The following PFKFB1 variants were observed in gnomAD, a reference collection of about 807,000 sequenced individuals.
PFKFB1 encodes the protein 6-phosphofructo-2-kinase/fructose-2,6-bisphosphatase 1.
Under a neutral mutation model 46.4 loss-of-function variants are expected in PFKFB1, and 34 were observed. The observed-to-expected ratio is 0.73, with a 90% CI of 0.56 to 0.98. The LOEUF (loss-of-function observed/expected upper bound fraction) is 0.98. Ranked by LOEUF, PFKFB1 falls within the 50% of genes least tolerant of loss-of-function variation. The probability of loss-of-function intolerance (pLI) is 0.00; values close to 1 mark genes in which losing one functional copy is unlikely to be tolerated. For missense variants in PFKFB1, 393 were observed against 376.3 expected (o/e 1.04, Z -0.37); for synonymous variants, 119 against 133.8 (o/e 0.89, Z 0.76).
At chrX:54,951,096 T>C (rs752070678) in intron 8 of PFKFB1, among the ~76,000 whole-genome samples, 8 of 113,077 alleles carry the variant, frequency 7.1e-5, no homozygotes, top group Non-Finnish European at 1.3e-4. Context: ...TTCCTGCACT[T>C]CATTTCCCAC....
intron 10 of PFKFB1, 127 bp from the exon 11 acceptor site, chrX:54,937,851 A>G: frequency 1.8e-6 from 1 of 562,027 alleles, no homozygotes; most frequent in Non-Finnish European, 2.8e-6. Flanking sequence ...ACCCACCAGT[A>G]TGACCTTAGG....
At chrX:54,950,178 A>C (rs1349581654) in intron 8 of PFKFB1, among the ~76,000 whole-genome samples, 1 of 112,578 alleles carries the variant, frequency 8.9e-6, no homozygotes, top group African/African-American at 3.2e-5. Context: ...ACACATTTCT[A>C]TATGCAGCTA....
rs1401160015 is a variant in PFKFB1 at position 54,951,985 on chromosome X, G to T, written c.766C>A (p.Leu256Ile). Reference sequence around the variant, plus strand: ...AGTTCACTCTCGCCATGTCGGCAAAGGTAGATGGAGCGAGGTGTGACATGG... The same window carrying T: ...AGTTCACTCTCGCCATGTCGGCAAATGTAGATGGAGCGAGGTGTGACATGG... ...NIHVTPRSIY[L>I]CRHGESELNI... The change falls in exon 8 of 14, where the codon CTT (leucine) becomes ATT (isoleucine). Residue 256 changes from leucine (L) to isoleucine (I), a missense_variant. Leu to Ile is a conservative substitution (Grantham distance 5, BLOSUM62 2). Coordinates refer to ENST00000375006, the MANE Select transcript of PFKFB1 (RefSeq NM_002625.4). The T allele has an allele frequency of 8.3e-7, 1 of 1,211,105 alleles. No individual in the cohort carries two copies. The highest frequency in any genetic ancestry group is 1.1e-6 in the Non-Finnish European group (1 of 894,963).
intron 1 of PFKFB1, among the ~76,000 whole-genome samples, chrX:54,984,177 A>G (rs941997763): frequency 9.8e-5 from 11 of 112,243 alleles, no homozygotes; most frequent in Non-Finnish European, 2.1e-4. Context: ...CTTTTGACAT[A>G]GTACTAGAAG....
At chrX:54,962,710 A>G (rs1417668435) in intron 2 of PFKFB1, among the ~76,000 whole-genome samples, 2 of 111,691 alleles carry the variant, frequency 1.8e-5, no homozygotes, top group Non-Finnish European at 3.8e-5. Flanking sequence ...AGAAAAGGAG[A>G]CTATAGGGCT....
chrX:54,970,359 T>G (rs965965289), intron 1 of PFKFB1, among the ~76,000 whole-genome samples: 50 of 110,155 alleles, frequency 4.5e-4, no homozygotes, highest in African/African-American at 1.6e-3. Context: ...TATTATACTT[T>G]AAGTTTTAGG....
intron 10 of PFKFB1, among the ~76,000 whole-genome samples, chrX:54,943,568 G>A (rs1933715304): frequency 9.0e-6 from 1 of 110,754 alleles, no homozygotes; most frequent in Non-Finnish European, 1.9e-5. Flanking sequence ...TGGCTAACAC[G>A]GTGATACCCC....
At chrX:54,949,994 C>G (rs1205004515) in intron 8 of PFKFB1, among the ~76,000 whole-genome samples, 1 of 111,671 alleles carries the variant, frequency 9.0e-6, no homozygotes, top group Non-Finnish European at 1.9e-5. Context: ...CTGGGGTGTT[C>G]TTGTTCTCAA....
intron 1 of PFKFB1, among the ~76,000 whole-genome samples, chrX:54,980,933 A>C (rs1934969314): frequency 1.8e-5 from 2 of 111,783 alleles, no homozygotes; most frequent in Admixed American, 1.9e-4. Flanking sequence ...GAAAGACTAC[A>C]TGAATTTTTA....
In PFKFB1 at chrX:54,963,322, C is replaced by T. The variant is rs1174842375; in HGVS notation, c.158G>A (p.Arg53Gln). 6 of 1,206,927 alleles carry T rather than the reference C, an allele frequency of 5.0e-6. No individual in the cohort carries two copies. Among genetic ancestry groups the T allele is most frequent in the Non-Finnish European group, 5.6e-6 (5 of 892,701 alleles). Residue 53 changes from arginine (R) to glutamine (Q), a missense_variant, in exon 2 of 14, where the codon CGA (arginine) becomes CAA (glutamine). Arg to Gln is a conservative substitution (Grantham distance 43). Transcript: ENST00000375006. ...CTTTGTGGAGATATAGGTCTTGCCT[C>T]GAGCTGGTAAACCCACCATGATCAC... is the stretch of plus-strand genomic sequence containing the variant. ...TMVIMVGLPA[R>Q]GKTYISTKLT...
intron 10 of PFKFB1, among the ~76,000 whole-genome samples, chrX:54,938,613 G>C (rs1425961541): frequency 9.0e-6 from 1 of 111,230 alleles, no homozygotes; most frequent in African/African-American, 3.3e-5. Flanking sequence ...TGATAAAACA[G>C]ACTTTAAACC....
chrX:54,962,961 A>G (rs1200122411), intron 2 of PFKFB1, among the ~76,000 whole-genome samples: 4 of 112,370 alleles, frequency 3.6e-5, no homozygotes, highest in Non-Finnish European at 5.6e-5. Context: ...TGGCAATAAA[A>G]ATAATATGTT....
intron 1 of PFKFB1, among the ~76,000 whole-genome samples, chrX:54,968,260 A>G (rs1202217488): frequency 6.5e-5 from 5 of 76,911 alleles, no homozygotes; most frequent in African/African-American, 1.9e-4. Context: ...TCATAGGTGC[A>G]AATTGAACAA....
At chrX:54,945,912 A>G (rs1933800382) in intron 9 of PFKFB1, among the ~76,000 whole-genome samples, 1 of 110,884 alleles carries the variant, frequency 9.0e-6, no homozygotes, top group African/African-American at 3.3e-5. Flanking sequence ...GGCTGTGTTT[A>G]CAAGTCTGTG....
intron 10 of PFKFB1, among the ~76,000 whole-genome samples, chrX:54,937,993 T>C (rs898638413): frequency 1.8e-5 from 2 of 111,878 alleles, no homozygotes; most frequent in African/African-American, 6.5e-5. Flanking sequence ...CCACTGCAAA[T>C]TGTCTTCTTA....
At chrX:54,952,957 G>A (rs1934031838) in intron 7 of PFKFB1, among the ~76,000 whole-genome samples, 1 of 110,917 alleles carries the variant, frequency 9.0e-6, no homozygotes, top group Admixed American at 9.6e-5. Flanking sequence ...GTTCCTTACT[G>A]TATCCTCAAT....
At chrX:54,946,888 A>G (rs971090428) in intron 9 of PFKFB1, among the ~76,000 whole-genome samples, 4 of 112,209 alleles carry the variant, frequency 3.6e-5, no homozygotes, top group Non-Finnish European at 5.6e-5. Flanking sequence ...TGAAGTATTA[A>G]TATTTTATTA....
chrX:54,997,981 G>A (rs1935381638), upstream of PFKFB1, among the ~76,000 whole-genome samples: 1 of 112,457 alleles, frequency 8.9e-6, no homozygotes, highest in Non-Finnish European at 1.9e-5. Flanking sequence ...AGCCCTCTGA[G>A]GAACGTTGGC....
chrX:54,992,403 A>G (rs1170102151), intron 1 of PFKFB1, among the ~76,000 whole-genome samples: 1 of 112,133 alleles, frequency 8.9e-6, no homozygotes, highest in Non-Finnish European at 1.9e-5. Flanking sequence ...ACTTCCTTTT[A>G]CAAGTGAGGA....
Sources: allele counts gnomAD v4.1 joint callset (sites outside exome capture counted in the v4.1 genomes callset), GRCh38; gene constraint gnomAD v4.1.1; transcripts MANE v1.5; gene names NCBI Gene and HGNC (gene_info 2026-07-23, HGNC 2026-07-21).